Variants in C8orf34 observed in about 807,000 individuals in gnomAD.
The protein encoded by C8orf34 is uncharacterized protein C8orf34.
A neutral mutation model predicts 68.3 loss-of-function variants in C8orf34; 65 were observed. The ratio of observed to expected loss-of-function variants is 0.95; its 90% CI spans 0.78 to 1.17. The LOEUF (loss-of-function observed/expected upper bound fraction) is 1.17. Among genes scored for constraint, C8orf34 ranks in the 50% most tolerant of loss-of-function variants. The probability of loss-of-function intolerance (pLI) is 0.00; values close to 1 mark genes in which losing one functional copy is unlikely to be tolerated. For synonymous variants in C8orf34, 244 were observed against 241.2 expected (o/e 1.01, Z -0.11); for missense variants, 664 against 655.4 (o/e 1.01, Z -0.14).
chr8:68,468,331 TA>T (rs748793628), intron 3 of C8orf34, among the ~76,000 whole-genome samples: 2 of 152,054 alleles, frequency 1.3e-5, no homozygotes, highest in Non-Finnish European at 2.9e-5. Flanking sequence ...AATATTTACT[TA>T]ATAATTACCA....
At chr8:68,632,855 C>T (rs529998299) in intron 7 of C8orf34, among the ~76,000 whole-genome samples, 16 of 152,270 alleles carry the variant, frequency 1.1e-4, no homozygotes, top group Admixed American at 3.3e-4. Context: ...GAGAGTTCAG[C>T]TTTGGGAGCC....
intron 13 of C8orf34, 98 bp from the exon 14 acceptor site, chr8:68,818,141 T>A: frequency 8.3e-7 from 1 of 1,198,134 alleles, no homozygotes; most frequent in Non-Finnish European, 1.2e-6. Context: ...TTCATTGGAA[T>A]AGAGGAAAGC....
At chr8:68,697,282 G>T (rs1256607627) in intron 8 of C8orf34, among the ~76,000 whole-genome samples, 1 of 151,940 alleles carries the variant, frequency 6.6e-6, no homozygotes, top group African/African-American at 2.4e-5. Context: ...TTACACTATT[G>T]AGAATATATT....
intron 7 of C8orf34, among the ~76,000 whole-genome samples, chr8:68,576,268 A>T (rs765862821): frequency 6.6e-5 from 10 of 151,460 alleles, no homozygotes; most frequent in African/African-American, 1.7e-4. Context: ...GATGTATTTT[A>T]AAAAAATAGC....
chr8:68,574,114 T>A (rs974701479), intron 7 of C8orf34, among the ~76,000 whole-genome samples: 2 of 152,126 alleles, frequency 1.3e-5, no homozygotes, highest in African/African-American at 4.8e-5. Context: ...ATGTTATGAA[T>A]TGTTAACTTA....
intron 7 of C8orf34, among the ~76,000 whole-genome samples, chr8:68,594,039 T>A (rs1352798354): frequency 2.6e-5 from 4 of 152,142 alleles, no homozygotes; most frequent in Admixed American, 6.6e-5. Context: ...GAAGTTTTTT[T>A]AAAAATAATT....
intron 1 of C8orf34, among the ~76,000 whole-genome samples, chr8:68,372,524 A>G (rs1342469589): frequency 2.0e-5 from 3 of 152,128 alleles, no homozygotes; most frequent in Non-Finnish European, 4.4e-5. Flanking sequence ...TATTAATAGG[A>G]ATAGCAAGCA....
At chr8:68,748,568 T>G (rs1439126907) in intron 10 of C8orf34, among the ~76,000 whole-genome samples, 1 of 152,004 alleles carries the variant, frequency 6.6e-6, no homozygotes, top group Non-Finnish European at 1.5e-5. Context: ...CATCAAGAAG[T>G]AGGCGAAGGA....
At chr8:68,670,124 T>C (rs1190405133) in intron 8 of C8orf34, among the ~76,000 whole-genome samples, 2 of 152,172 alleles carry the variant, frequency 1.3e-5, no homozygotes, top group African/African-American at 2.4e-5. Flanking sequence ...TCCCTAGATA[T>C]ATTAGGTGAC....
intron 7 of C8orf34, among the ~76,000 whole-genome samples, chr8:68,549,982 A>T (rs1816010516): frequency 6.6e-6 from 1 of 151,774 alleles, no homozygotes; most frequent in Non-Finnish European, 1.5e-5. Flanking sequence ...GTCTTTATAC[A>T]TGTTTATATT....
intron 1 of C8orf34, among the ~76,000 whole-genome samples, chr8:68,405,981 C>T (rs768440362): frequency 6.6e-6 from 1 of 152,100 alleles, no homozygotes; most frequent in Non-Finnish European, 1.5e-5. Context: ...GGTATGGGAA[C>T]ATTCAAAAAC....
chr8:68,504,453 G>A (rs1183323664), intron 5 of C8orf34, among the ~76,000 whole-genome samples: 3 of 152,080 alleles, frequency 2.0e-5, no homozygotes, highest in Non-Finnish European at 4.4e-5. Flanking sequence ...CAGAGGATAG[G>A]GAATGCTAGG....
intron 1 of C8orf34, among the ~76,000 whole-genome samples, chr8:68,390,509 G>A (rs904070023): frequency 2.6e-4 from 40 of 152,102 alleles, no homozygotes; most frequent in African/African-American, 9.4e-4. Context: ...TATGGTTTAT[G>A]TATCACATAC....
At chr8:68,597,365 T>A (rs1280640463) in intron 7 of C8orf34, among the ~76,000 whole-genome samples, 1 of 152,126 alleles carries the variant, frequency 6.6e-6, no homozygotes, top group African/African-American at 2.4e-5. Flanking sequence ...AGTAAGGTGT[T>A]ACTTATTTTT....
intron 7 of C8orf34, among the ~76,000 whole-genome samples, chr8:68,634,817 A>T (rs1818789104): frequency 6.6e-6 from 1 of 152,196 alleles, no homozygotes; most frequent in South Asian, 2.1e-4. Context: ...AAGTGAATGG[A>T]TACTTTTCAG....
At chr8:68,640,595 C>A in intron 8 of C8orf34, 84 bp downstream of exon 8, 1 of 1,328,362 alleles carries the variant, frequency 7.5e-7, no homozygotes, top group Non-Finnish European at 1.0e-6. Context: ...TTGTACTCTT[C>A]TGTGTTAAGA....
intron 7 of C8orf34, among the ~76,000 whole-genome samples, chr8:68,614,876 G>A (rs555491510): frequency 6.6e-6 from 1 of 152,324 alleles, no homozygotes; most frequent in African/African-American, 2.4e-5. Context: ...AAATTACCTT[G>A]GGCAGTATGG....
intron 10 of C8orf34, among the ~76,000 whole-genome samples, chr8:68,766,657 T>C (rs147621703): frequency 6.6e-6 from 1 of 152,302 alleles, no homozygotes; most frequent in East Asian, 1.9e-4. Flanking sequence ...GCACATATCT[T>C]GGAGATATAG....
intron 8 of C8orf34, among the ~76,000 whole-genome samples, chr8:68,643,672 C>T (rs1819080306): frequency 6.6e-6 from 1 of 152,076 alleles, no homozygotes; most frequent in South Asian, 2.1e-4. Flanking sequence ...GCACTAATTC[C>T]ATTCATGAGG....
Sources: allele counts gnomAD v4.1 joint callset (sites outside exome capture counted in the v4.1 genomes callset), GRCh38; gene constraint gnomAD v4.1.1; transcripts MANE v1.5; gene names NCBI Gene and HGNC (gene_info 2026-07-23, HGNC 2026-07-21).